Variants in ADCY2 observed in about 807,000 individuals in gnomAD.
ADCY2 encodes adenylate cyclase 2.
In ADCY2, 31 loss-of-function variants were observed where a neutral mutation model predicts 125.2. That is an observed-to-expected ratio of 0.25 (90% confidence interval 0.19 to 0.33). The LOEUF (loss-of-function observed/expected upper bound fraction) is 0.33. ADCY2 is among the 10% of genes least tolerant of loss of function. ADCY2 has a pLI of 1.00. For missense variants in ADCY2, 904 were observed against 1,418.2 expected, an observed-to-expected ratio of 0.64 and a Z score of 5.82; for synonymous variants, 512 against 548.4, an observed-to-expected ratio of 0.93 and a Z score of 0.93.
intron 3 of ADCY2, among the ~76,000 whole-genome samples, chr5:7,544,320 G>A (rs1001817854): frequency 2.0e-5 from 3 of 152,176 alleles, no homozygotes; most frequent in African/African-American, 7.2e-5. Context: ...GAAATACAAA[G>A]CCAGTTTCAT....
intron 3 of ADCY2, among the ~76,000 whole-genome samples, chr5:7,587,397 A>G (rs944320651): frequency 4.6e-5 from 7 of 152,314 alleles, no homozygotes; most frequent in Non-Finnish European, 8.8e-5. Flanking sequence ...TTGATGACGC[A>G]TAGCGTTTTC....
intron 5 of ADCY2, 39 bp from the exon 6 acceptor site, chr5:7,695,713 C>A: frequency 8.0e-7 from 1 of 1,253,516 alleles, no homozygotes; most frequent in East Asian, 2.5e-5. Flanking sequence ...AATGTATAAA[C>A]TGGAAAACTC....
intron 5 of ADCY2, among the ~76,000 whole-genome samples, chr5:7,695,075 C>A (rs763620481): frequency 2.0e-5 from 3 of 152,220 alleles, no homozygotes; most frequent in Non-Finnish European, 4.4e-5. Context: ...GACCTTGATA[C>A]AAATCAGAAA....
At chr5:7,658,431 G>A (rs2388910) in intron 4 of ADCY2, among the ~76,000 whole-genome samples, 1,782 of 142,946 alleles carry the variant, frequency 0.012, 30 homozygotes, top group African/African-American at 0.035. Context: ...GTGTGTGTGT[G>A]TATATATATA....
intron 2 of ADCY2, among the ~76,000 whole-genome samples, chr5:7,517,717 T>C (rs1451956791): frequency 1.3e-5 from 2 of 152,230 alleles, no homozygotes; most frequent in Non-Finnish European, 2.9e-5. Flanking sequence ...ACTGAAGATC[T>C]ATTTTCCATT....
At chr5:7,753,248 A>T (rs1044323625) in intron 15 of ADCY2, among the ~76,000 whole-genome samples, 1 of 152,166 alleles carries the variant, frequency 6.6e-6, no homozygotes, top group Non-Finnish European at 1.5e-5. Flanking sequence ...TGCATTTAGT[A>T]TCAATCCCTT....
intron 10 of ADCY2, among the ~76,000 whole-genome samples, chr5:7,711,633 G>A (rs1741442961): frequency 6.6e-6 from 1 of 152,150 alleles, no homozygotes; most frequent in South Asian, 2.1e-4. Context: ...TCCAGGAATG[G>A]TTTCAGTCTG....
chr5:7,719,324 G>C (rs1328617615), intron 12 of ADCY2, among the ~76,000 whole-genome samples: 1 of 152,170 alleles, frequency 6.6e-6, no homozygotes, highest in Non-Finnish European at 1.5e-5. Context: ...AAATTAAATA[G>C]AGAAAAGTGT....
chr5:7,693,118 A>C (rs997646788), intron 5 of ADCY2, among the ~76,000 whole-genome samples: 3 of 152,098 alleles, frequency 2.0e-5, no homozygotes, highest in Non-Finnish European at 2.9e-5. Flanking sequence ...TGCCCCCCAC[A>C]ACATCAAATT....
At chr5:7,421,625 TCAACTC>T (rs1234603334) in intron 2 of ADCY2, among the ~76,000 whole-genome samples, 1 of 152,188 alleles carries the variant, frequency 6.6e-6, no homozygotes, top group African/African-American at 2.4e-5. Flanking sequence ...GGGACACAGT[TCAACTC>T]CTAACTGACA....
chr5:7,592,595 G>C (rs2126627128), intron 3 of ADCY2, among the ~76,000 whole-genome samples: 1 of 152,044 alleles, frequency 6.6e-6, no homozygotes, highest in East Asian at 1.9e-4. Context: ...GAATATATAA[G>C]AAAACTATAA....
intron 2 of ADCY2, among the ~76,000 whole-genome samples, chr5:7,489,872 A>T (rs1743094323): frequency 6.6e-6 from 1 of 152,140 alleles, no homozygotes; most frequent in African/African-American, 2.4e-5. Flanking sequence ...AGCAGACCTG[A>T]GCTGTCCCGT....
At chr5:7,760,047 C>A (rs1390722037) in intron 16 of ADCY2, among the ~76,000 whole-genome samples, 1 of 152,150 alleles carries the variant, frequency 6.6e-6, no homozygotes, top group Non-Finnish European at 1.5e-5. Context: ...AGCCTTTCTG[C>A]AGACACACCA....
chr5:7,438,512 A>G (rs2126393139), intron 2 of ADCY2, among the ~76,000 whole-genome samples: 1 of 152,332 alleles, frequency 6.6e-6, no homozygotes, highest in East Asian at 1.9e-4. Context: ...TGGATGATGT[A>G]GGAGACCAAC....
At chr5:7,524,082 A>G (rs1367585395) in intron 3 of ADCY2, among the ~76,000 whole-genome samples, 3 of 152,180 alleles carry the variant, frequency 2.0e-5, no homozygotes, top group African/African-American at 7.2e-5. Context: ...AATTCATTTT[A>G]CCAGCATTTG....
chr5:7,560,188 A>C (rs967097506), intron 3 of ADCY2, among the ~76,000 whole-genome samples: 1 of 152,222 alleles, frequency 6.6e-6, no homozygotes, highest in Admixed American at 6.5e-5. Context: ...AAATTAAGAC[A>C]TAGATAACAG....
intron 20 of ADCY2, chr5:7,796,552 G>T (rs1315134025): frequency 9.8e-5 from 15 of 152,350 alleles, no homozygotes; most frequent in African/African-American, 3.1e-4. Flanking sequence ...TTTCAATGAA[G>T]AAGTGCTCAT....
intron 2 of ADCY2, among the ~76,000 whole-genome samples, chr5:7,437,240 C>T: frequency 6.6e-6 from 1 of 152,144 alleles, no homozygotes; most frequent in Non-Finnish European, 1.5e-5. Context: ...CTTTTTCAGC[C>T]CCCTCAAGCT....
chr5:7,673,732 A>G (rs1384967370), intron 4 of ADCY2, among the ~76,000 whole-genome samples: 3 of 152,188 alleles, frequency 2.0e-5, no homozygotes, highest in Admixed American at 2.0e-4. Flanking sequence ...GCCAATAGGC[A>G]AGAGGTGGGG....
Sources: allele counts gnomAD v4.1 joint callset (sites outside exome capture counted in the v4.1 genomes callset), GRCh38; gene constraint gnomAD v4.1.1; transcripts MANE v1.5; gene names NCBI Gene and HGNC (gene_info 2026-07-23, HGNC 2026-07-21).